KIRREL3: variants seen among roughly 807,000 people sequenced by gnomAD.
KIRREL3 encodes kirre like nephrin family adhesion molecule 3.
KIRREL3 carries 36 observed loss-of-function variants against 89.7 expected under a neutral mutation model. The ratio of observed to expected loss-of-function variants is 0.40; its 90% confidence interval spans 0.31 to 0.53. KIRREL3 has a LOEUF of 0.53. KIRREL3 is among the 20% of genes least tolerant of loss of function. The pLI, the probability that KIRREL3 is intolerant of heterozygous loss-of-function variation, is 0.49. For synonymous variants in KIRREL3, 445 were observed against 441.4 expected, an observed-to-expected ratio of 1.01 and a Z score of -0.10; for missense variants, 864 against 1,056.6, an observed-to-expected ratio of 0.82 and a Z score of 2.53.
chr11:126,473,185 C>T, intron 5 of KIRREL3, 124 bp downstream of exon 5: 1 of 546,802 alleles, frequency 1.8e-6, no homozygotes, highest in Non-Finnish European at 2.5e-6. Flanking sequence ...CTAATCCAGC[C>T]CCCGCTCCTT....
At chr11:126,593,454 C>T (rs80005725) in intron 1 of KIRREL3, among the ~76,000 whole-genome samples, 319 of 152,298 alleles carry the variant, frequency 2.1e-3, no homozygotes, top group Admixed American at 4.4e-3. Flanking sequence ...GAGGGGCCCT[C>T]GTGCTAAGTG....
At position 126,627,352 on chromosome 11, in the gene KIRREL3, G is replaced by A. The variant is rs904275630; in HGVS notation, c.56-64440C>T. 1.3e-5 allele frequency among the ~76,000 whole-genome samples: 2 copies of A among 152,190 alleles called. No individual in the cohort carries two copies. Among genetic ancestry groups the A allele is most frequent in the Non-Finnish European group, 2.9e-5 (2 of 68,030 alleles). On this transcript the variant is annotated intron_variant, in intron 1 of 16. Coordinates refer to ENST00000525144, the MANE Select transcript of KIRREL3 (RefSeq NM_032531.4). The surrounding 1 kb of genome is among the most constrained non-coding windows in gnomAD (Gnocchi z 5.0). ...CTTGAAAACCATGTTGAAGCATGGT[G>A]ACCTGGTCTGTGTTCCTATAGGCCG...
Position 126,776,286 on chromosome 11 carries a change from G to A in KIRREL3, c.56-213374C>T, listed in dbSNP as rs935242315. Among the ~76,000 whole-genome samples, 1 of 152,202 alleles carries A rather than the reference G, an allele frequency of 6.6e-6. No individual in the cohort carries two copies. Among genetic ancestry groups the A allele is most frequent in the African/African-American group, 2.4e-5 (1 of 41,440 alleles). ...AGCTGGAGGACTTGGAAGGGAATGT[G>A]TGCTTCCGGTGGAGTTTGCTGAAGT... On this transcript the variant is annotated intron_variant, in intron 1 of 16. Coordinates refer to ENST00000525144, the MANE Select transcript of KIRREL3 (RefSeq NM_032531.4). This position sits in a 1 kb window ranked among gnomAD's most constrained non-coding sequence, Gnocchi z 4.7.
At chr11:126,857,610 C>T (rs996448118) in intron 1 of KIRREL3, among the ~76,000 whole-genome samples, 1 of 152,106 alleles carries the variant, frequency 6.6e-6, no homozygotes, top group Non-Finnish European at 1.5e-5. Context: ...GGGGATTGAT[C>T]TGAGACTGGT....
chr11:126,850,462 G>A (rs1944304228), intron 1 of KIRREL3, among the ~76,000 whole-genome samples: 1 of 152,178 alleles, frequency 6.6e-6, no homozygotes, highest in African/African-American at 2.4e-5. Flanking sequence ...TAGAGGCAAA[G>A]CTAACCCAGA....
At chr11:126,693,077 A>G (rs1946942710) in intron 1 of KIRREL3, among the ~76,000 whole-genome samples, 1 of 152,234 alleles carries the variant, frequency 6.6e-6, no homozygotes, top group Non-Finnish European at 1.5e-5. Context: ...GCCACCCTCT[A>G]GGTGACCCTC....
In KIRREL3 at chr11:126,761,629, A is replaced by T. The variant is rs1225662543; in HGVS notation, c.56-198717T>A. The stretch of plus-strand genomic sequence containing the variant: ...ATGGTTACACTGTTATTACTTTGAG[A>T]CATAGTTACTCTTTCTTCTAAGGAA... On this transcript the variant is annotated intron_variant, in intron 1 of 16. Coordinates refer to ENST00000525144, the MANE Select transcript of KIRREL3 (RefSeq NM_032531.4). The surrounding 1 kb of genome is among the most constrained non-coding windows in gnomAD (Gnocchi z 4.4). 6.6e-6 allele frequency among the ~76,000 whole-genome samples: 1 copy of T among 152,202 alleles called. No individual in the cohort carries two copies. Among genetic ancestry groups the T allele is most frequent in the Non-Finnish European group, 1.5e-5 (1 of 68,038 alleles).
Position 126,872,152 on chromosome 11 carries a change from A to G in KIRREL3, c.55+128303T>C, listed in dbSNP as rs1392287189. On this transcript the variant is annotated intron_variant, in intron 1 of 16. Transcript: ENST00000525144. This position sits in a 1 kb window ranked among gnomAD's most constrained non-coding sequence, Gnocchi z 4.2. ...AAACCAGCAGACAGTGATGAAAGTG[A>G]CCTCTAGTTGTCCTTACTGCTCATT... 6.6e-6 allele frequency among the ~76,000 whole-genome samples: 1 copy of G among 152,158 alleles called. No homozygotes were observed. The highest frequency in any genetic ancestry group is 2.4e-5 in the African/African-American group (1 of 41,446).
At position 126,768,947 on chromosome 11, in the gene KIRREL3, T is replaced by A. The variant is rs915056782; in HGVS notation, c.56-206035A>T. Among the ~76,000 whole-genome samples the A allele has an allele frequency of 1.3e-5, 2 of 152,208 alleles. No individual in the cohort carries two copies. Among genetic ancestry groups the A allele is most frequent in the African/African-American group, 2.4e-5 (1 of 41,438 alleles). On this transcript the variant is annotated intron_variant, in intron 1 of 16. Coordinates refer to ENST00000525144, the MANE Select transcript of KIRREL3 (RefSeq NM_032531.4). The surrounding 1 kb of genome is among the most constrained non-coding windows in gnomAD (Gnocchi z 4.5). ...TGTTGTAAGCAGAGAAGTAACATGA[T>A]CTGCTTTGTGTCTCAACATCTTTTT...
chr11:126,821,637 G>A (rs1356186090), intron 1 of KIRREL3, among the ~76,000 whole-genome samples: 1 of 151,876 alleles, frequency 6.6e-6, no homozygotes, highest in African/African-American at 2.4e-5. Context: ...ATGGCAAATG[G>A]GAATTAAGTT....
At chr11:126,986,560 T>A (rs929714256) in intron 1 of KIRREL3, among the ~76,000 whole-genome samples, 1 of 152,140 alleles carries the variant, frequency 6.6e-6, no homozygotes, top group Non-Finnish European at 1.5e-5. Flanking sequence ...CCTGTCAACA[T>A]AGATTATGAC....
rs1948892729 is a variant in KIRREL3 at position 126,955,411 on chromosome 11, A to G, written c.55+45044T>C. On this transcript the variant is annotated intron_variant, in intron 1 of 16. Transcript: ENST00000525144. The surrounding 1 kb of genome is among the most constrained non-coding windows in gnomAD (Gnocchi z 4.6). Reference sequence around the variant, plus strand: ...AGAGCATTAACAGATTTACTCACCCAAGCCAAGGAAAGTGCTTTGGAAGAA... The same window carrying G: ...AGAGCATTAACAGATTTACTCACCCGAGCCAAGGAAAGTGCTTTGGAAGAA... 6.6e-6 allele frequency among the ~76,000 whole-genome samples: 1 copy of G among 152,160 alleles called. No individual in the cohort carries two copies. The highest frequency in any genetic ancestry group is 6.5e-5 in the Admixed American group (1 of 15,288).
At chr11:126,988,980 A>G (rs1302330237) in intron 1 of KIRREL3, among the ~76,000 whole-genome samples, 2 of 152,092 alleles carry the variant, frequency 1.3e-5, no homozygotes, top group Non-Finnish European at 2.9e-5. Flanking sequence ...ACACTAACGC[A>G]GCTCTTGGTG....
chr11:126,800,983 G>A (rs1227067405), intron 1 of KIRREL3, among the ~76,000 whole-genome samples: 1 of 152,152 alleles, frequency 6.6e-6, no homozygotes, highest in African/African-American at 2.4e-5. Context: ...TGAGGACACG[G>A]GGAACACTGC....
In KIRREL3 at chr11:126,424,600, G is replaced by A. The variant is rs746710047; in HGVS notation, c.2317C>T (p.Arg773Trp). Residue 773 changes from arginine (R) to tryptophan (W), a missense_variant, in exon 17 of 17, where the codon CGG becomes TGG. Physicochemically the swap from Arg to Trp is moderately radical, Grantham distance 101. Transcript: ENST00000525144. ...NSDPSRPLQRRMQTHV is the reference protein window; with the variant it reads ...NSDPSRPLQRWMQTHV ...GATCCTTAGACGTGAGTCTGCATCC[G>A]CCGCTGCAGGGGTCGACTGGGGTCA... is the stretch of plus-strand genomic sequence containing the variant. The A allele has an allele frequency of 3.7e-6, 6 of 1,613,814 alleles. No individual in the cohort carries two copies. Among genetic ancestry groups the A allele is most frequent in the Non-Finnish European group, 5.1e-6 (6 of 1,179,888 alleles).
In KIRREL3 at chr11:126,508,523, A is replaced by T. The variant is rs986972920; in HGVS notation, c.433+12792T>A. 6.6e-6 allele frequency among the ~76,000 whole-genome samples: 1 copy of T among 152,270 alleles called. No individual in the cohort carries two copies. The highest frequency in any genetic ancestry group is 1.9e-4 in the East Asian group (1 of 5,168). ...CTCTTCGAGCCGACTCCCCGATTCC[A>T]TGAGCCCTGGGATGGTGGAAGGGTT... On this transcript the variant is annotated intron_variant, in intron 4 of 16. Coordinates refer to ENST00000525144, the MANE Select transcript of KIRREL3 (RefSeq NM_032531.4). The surrounding 1 kb of genome is among the most constrained non-coding windows in gnomAD (Gnocchi z 4.9).
At position 126,739,148 on chromosome 11, in the gene KIRREL3, C is replaced by T. The variant is rs77754684; in HGVS notation, c.56-176236G>A. Among the ~76,000 whole-genome samples the T allele has an allele frequency of 0.012, 1,776 of 152,328 alleles. 36 individuals carry two copies. Among genetic ancestry groups the T allele is most frequent in the African/African-American group, 0.041 (1,702 of 41,564 alleles). On this transcript the variant is annotated intron_variant, in intron 1 of 16. Transcript: ENST00000525144. This position sits in a 1 kb window ranked among gnomAD's most constrained non-coding sequence, Gnocchi z 5.5. ...GATGGAAACTCCAATCCAGACTGTT[C>T]TGGCTCCAAAGCCAAACCCTTCCAC...
At chr11:126,444,524 G>A (rs1285737875) in intron 10 of KIRREL3, among the ~76,000 whole-genome samples, 1 of 152,174 alleles carries the variant, frequency 6.6e-6, no homozygotes, top group African/African-American at 2.4e-5. Flanking sequence ...ACTCAGGAAG[G>A]TGAGGTTGCA....
At chr11:126,456,057 T>TTTTTTTTTTTTC (rs147218473) in intron 7 of KIRREL3, among the ~76,000 whole-genome samples, 1,305 of 109,630 alleles carry the variant, frequency 0.012, 123 homozygotes, top group Non-Finnish European at 0.015. Flanking sequence ...TTTTTTTTTT[T>TTTTTTTTTTTTC]CCTGAGCCTT....
Sources: gnomAD v4.1 joint callset for allele counts (sites outside exome capture counted in the v4.1 genomes callset) on GRCh38, gnomAD v4.1.1 for gene constraint, Gnocchi (gnomAD v3.1) non-coding constraint, MANE v1.5 for transcripts, NCBI Gene and HGNC (gene_info 2026-07-23, HGNC 2026-07-21) for gene names.